Variants in ASIC2 observed in about 807,000 individuals in gnomAD.
The protein encoded by ASIC2 is acid sensing ion channel subunit 2, also known as acid-sensing ion channel 2.
Under a neutral mutation model 57.3 loss-of-function variants are expected in ASIC2, and 25 were observed. That is an observed-to-expected ratio of 0.44 (90% CI 0.32 to 0.61). The LOEUF is 0.61. ASIC2 is among the 20% of genes least tolerant of loss of function. The pLI, the probability that ASIC2 is intolerant of heterozygous loss-of-function variation, is 0.06. For missense variants in ASIC2, 641 were observed against 738.1 expected (o/e 0.87, Z 1.52); for synonymous variants, 319 against 307.5 (o/e 1.04, Z -0.39).
At chr17:34,099,589 A>G (rs1910743556) in intron 1 of ASIC2, among the ~76,000 whole-genome samples, 1 of 150,110 alleles carries the variant, frequency 6.7e-6, no homozygotes, top group Non-Finnish European at 1.5e-5. Flanking sequence ...AAGGAAGGAA[A>G]GAAAGAGAAA....
Position 33,671,833 on chromosome 17 carries a change from T to C in ASIC2, c.555+484145A>G, listed in dbSNP as rs146823941. On this transcript the variant is annotated intron_variant, in intron 1 of 9. Transcript: ENST00000359872. ...CCTGATAAATGGAACCATCTATCTT[T>C]TTATTCTCATTCTTTAACGCTAATG... 1.6e-3 allele frequency among the ~76,000 whole-genome samples: 237 copies of C among 152,332 alleles called. 2 individuals carry two copies. Among genetic ancestry groups the C allele is most frequent in the Non-Finnish European group, 1.8e-3 (122 of 68,030 alleles).
intron 1 of ASIC2, among the ~76,000 whole-genome samples, chr17:33,223,263 A>C (rs1235852867): frequency 6.6e-6 from 1 of 151,474 alleles, no homozygotes; most frequent in Non-Finnish European, 1.5e-5. Context: ...GCTCACTGCA[A>C]CCTCCGCCTC....
intron 1 of ASIC2, among the ~76,000 whole-genome samples, chr17:33,788,143 A>C (rs1354100593): frequency 6.6e-6 from 1 of 152,186 alleles, no homozygotes; most frequent in Non-Finnish European, 1.5e-5. Context: ...AATGGGACAA[A>C]ATTTTGCAAT....
At chr17:33,905,502 T>C (rs1006435277) in intron 1 of ASIC2, among the ~76,000 whole-genome samples, 2 of 152,346 alleles carry the variant, frequency 1.3e-5, no homozygotes, top group African/African-American at 4.8e-5. Context: ...CAGAGGCATG[T>C]GCTGACATAG....
chr17:33,389,185 C>A (rs1235745004), intron 1 of ASIC2, among the ~76,000 whole-genome samples: 8 of 152,094 alleles, frequency 5.3e-5, no homozygotes, highest in Non-Finnish European at 1.5e-5. Flanking sequence ...GTCTCGAAAT[C>A]CTGAGCTCAA....
intron 1 of ASIC2, among the ~76,000 whole-genome samples, chr17:33,607,184 C>T (rs1057078718): frequency 6.6e-6 from 1 of 152,100 alleles, no homozygotes; most frequent in African/African-American, 2.4e-5. Flanking sequence ...GGGAGCAGAC[C>T]AATAAAGGCC....
chr17:33,884,670 C>T (rs1373542147), intron 1 of ASIC2, among the ~76,000 whole-genome samples: 2 of 152,088 alleles, frequency 1.3e-5, no homozygotes, highest in East Asian at 1.9e-4. Context: ...CATGCAGGCT[C>T]TTATATCTTC....
At chr17:33,799,390 C>CTCT (rs1555562467) in intron 1 of ASIC2, among the ~76,000 whole-genome samples, 1 of 61,078 alleles carries the variant, frequency 1.6e-5, no homozygotes, top group Non-Finnish European at 3.7e-5. Context: ...TTCTTTCTTT[C>CTCT]TTTCTTTCTT....
chr17:33,671,656 C>T (rs1405596047), intron 1 of ASIC2, among the ~76,000 whole-genome samples: 1 of 152,042 alleles, frequency 6.6e-6, no homozygotes, highest in Admixed American at 6.6e-5. Flanking sequence ...TGGGAGGGTC[C>T]AAAGGTCTTG....
At chr17:33,672,934 G>A (rs1907683342) in intron 1 of ASIC2, among the ~76,000 whole-genome samples, 1 of 152,196 alleles carries the variant, frequency 6.6e-6, no homozygotes, top group Non-Finnish European at 1.5e-5. Context: ...TCATAGGTTT[G>A]TGAAATGGGT....
chr17:33,837,810 C>T (rs1313122564), intron 1 of ASIC2, among the ~76,000 whole-genome samples: 2 of 152,184 alleles, frequency 1.3e-5, no homozygotes, highest in Non-Finnish European at 2.9e-5. Flanking sequence ...CTCTCACCCA[C>T]CCTTCCTGTC....
At chr17:33,813,191 A>G (rs7220944) in intron 1 of ASIC2, among the ~76,000 whole-genome samples, 21,985 of 151,950 alleles carry the variant, frequency 0.14, 1,769 homozygotes, top group African/African-American at 0.21. Context: ...GTTGGGGAGG[A>G]GCACGGAGGA....
At chr17:33,171,293 T>A (rs987503009) in intron 1 of ASIC2, among the ~76,000 whole-genome samples, 2 of 152,218 alleles carry the variant, frequency 1.3e-5, no homozygotes. Flanking sequence ...CCCAAACTTC[T>A]CAGAATTCTA....
intron 1 of ASIC2, among the ~76,000 whole-genome samples, chr17:33,403,005 T>C (rs1300726445): frequency 6.6e-6 from 1 of 152,244 alleles, no homozygotes; most frequent in Non-Finnish European, 1.5e-5. Context: ...GCTTTTATAC[T>C]GTTGGTGGGA....
chr17:33,287,332 G>C (rs941620225), intron 1 of ASIC2, among the ~76,000 whole-genome samples: 1 of 152,216 alleles, frequency 6.6e-6, no homozygotes, highest in Non-Finnish European at 1.5e-5. Context: ...GCCAGAGAGA[G>C]AGCCATTGCT....
chr17:33,291,034 TAC>T (rs1905410087), intron 1 of ASIC2: 1 of 211,774 alleles, frequency 4.7e-6, no homozygotes, highest in East Asian at 9.6e-5. Context: ...TTAAGAGATC[TAC>T]ACTCCAAACA....
rs75220180 is a variant in ASIC2 at position 33,971,426 on chromosome 17, T to C, written c.555+184552A>G. Among the ~76,000 whole-genome samples the C allele has an allele frequency of 4.6e-4, 70 of 152,258 alleles. No homozygotes were observed. In the East Asian group the frequency reaches 0.012, roughly 26 times the overall value. Reference sequence around the variant, plus strand: ...CAACCAGGAGAACATTTCACACATATGCACACACACAAATGCATACACAAA... The same window carrying C: ...CAACCAGGAGAACATTTCACACATACGCACACACACAAATGCATACACAAA... On this transcript the variant is annotated intron_variant, in intron 1 of 9. Coordinates refer to the ASIC2 transcript ENST00000359872.
At chr17:33,480,235 C>T (rs1219122697) in intron 1 of ASIC2, among the ~76,000 whole-genome samples, 2 of 152,164 alleles carry the variant, frequency 1.3e-5, no homozygotes, top group Non-Finnish European at 2.9e-5. Flanking sequence ...CGTGGGGTTT[C>T]CTTTCTCATG....
chr17:33,687,124 T>G (rs915815927), intron 1 of ASIC2, among the ~76,000 whole-genome samples: 1 of 152,180 alleles, frequency 6.6e-6, no homozygotes, highest in Non-Finnish European at 1.5e-5. Flanking sequence ...AGGAATGCTT[T>G]CTTCATAGGA....
Sources: gnomAD v4.1 joint callset for allele counts (sites outside exome capture counted in the v4.1 genomes callset) on GRCh38, gnomAD v4.1.1 for gene constraint, MANE v1.5 for transcripts, NCBI Gene and HGNC (gene_info 2026-07-23, HGNC 2026-07-21) for gene names.